Variants in CYP27C1 observed in about 807,000 individuals in gnomAD.
The protein encoded by CYP27C1 is cytochrome P450 27C1.
In CYP27C1, 29 loss-of-function variants were observed where a neutral mutation model predicts 40.6. The observed-to-expected ratio is 0.71, with a 90% confidence interval of 0.53 to 0.97. The LOEUF (loss-of-function observed/expected upper bound fraction) is 0.97, where lower values mean the gene tolerates loss of function less well. Ranked by LOEUF, CYP27C1 falls within the 50% of genes least tolerant of loss-of-function variation. CYP27C1 has a pLI of 0.00. For missense variants in CYP27C1, 390 were observed against 485.8 expected (o/e 0.80, Z 1.85); for synonymous variants, 198 against 186.8 (o/e 1.06, Z -0.49).
chr2:127,219,946 G>A lies in CYP27C1; in HGVS notation c.282+43C>T, dbSNP rs1268151642. ...CCCGCCCGCGCCGTCAGCCTTCTGG[G>A]CAGCAGCCCGGGCTGGCTCCCTCCC... On this transcript the variant is annotated intron_variant, in intron 1 of 8. Coordinates refer to ENST00000664447, the MANE Select transcript of CYP27C1 (RefSeq NM_001367502.1). The surrounding 1 kb of genome is among the most constrained non-coding windows in gnomAD (Gnocchi z 8.7). The A allele has an allele frequency of 6.6e-6, 1 of 152,166 alleles. No homozygotes were observed. The highest frequency in any genetic ancestry group is 2.4e-5 in the African/African-American group (1 of 41,424). 9.4% of individuals were successfully genotyped at this position (152,166 alleles called of 1,614,324 possible). A position where few individuals can be genotyped will look rare whatever the true frequency, so the allele number is the denominator to read the frequency against.
chr2:127,199,416 T>C lies in CYP27C1; in HGVS notation c.1007A>G (p.Tyr336Cys), dbSNP rs375739115. Residue 336 changes from tyrosine (Y) to cysteine (C), a missense_variant, in exon 5 of 9, where the codon TAC becomes TGC. Tyr to Cys is a radical substitution (Grantham distance 194). Transcript: ENST00000664447. ...CAGCAGCATCTCAGTCACGTTGGCG[T>C]AGATCTCCTGCAGCGTCAGAGCCTG... ...LSQALTLQEI[Y>C]ANVTEMLLAG... The C allele has an allele frequency of 2.5e-6, 4 of 1,614,084 alleles. No homozygotes were observed. Among genetic ancestry groups the C allele is most frequent in the East Asian group, 2.2e-5 (1 of 44,896 alleles).
chr2:127,209,856 T>C lies in CYP27C1; in HGVS notation c.283-3766A>G, dbSNP rs534912393. 6.6e-6 allele frequency among the ~76,000 whole-genome samples: 1 copy of C among 151,982 alleles called. No homozygotes were observed. Among genetic ancestry groups the C allele is most frequent in the Non-Finnish European group, 1.5e-5 (1 of 67,998 alleles). On this transcript the variant is annotated intron_variant, in intron 1 of 8. Transcript: ENST00000664447. The surrounding 1 kb of genome is among the most constrained non-coding windows in gnomAD (Gnocchi z 4.1). Reference sequence around the variant, plus strand: ...GAATAAACAAAGCCTCAAAGAAATATGGGACTTCATAAAAACAGCAAACCT... The same window carrying C: ...GAATAAACAAAGCCTCAAAGAAATACGGGACTTCATAAAAACAGCAAACCT...
At chr2:127,187,785 G>A (rs1347873372) in intron 8 of CYP27C1, among the ~76,000 whole-genome samples, 3 of 152,222 alleles carry the variant, frequency 2.0e-5, no homozygotes, top group African/African-American at 7.2e-5. Flanking sequence ...TTTCCTGCTG[G>A]TTCTGAAACT....
intron 1 of CYP27C1, among the ~76,000 whole-genome samples, chr2:127,213,680 G>T (rs1683376135): frequency 6.6e-6 from 1 of 152,106 alleles, no homozygotes; most frequent in African/African-American, 2.4e-5. Context: ...ATGAATTAAA[G>T]ACTTAAATGT....
At chr2:127,206,878 A>G (rs1382116014) in intron 1 of CYP27C1, among the ~76,000 whole-genome samples, 1 of 152,232 alleles carries the variant, frequency 6.6e-6, no homozygotes, top group Non-Finnish European at 1.5e-5. Context: ...GGCTATCTCT[A>G]TTGGCAGATG....
intron 8 of CYP27C1, among the ~76,000 whole-genome samples, chr2:127,189,114 G>A (rs1316481642): frequency 6.6e-6 from 1 of 151,920 alleles, no homozygotes; most frequent in African/African-American, 2.4e-5. Context: ...TTTCTGAGTG[G>A]TTTGTTTGTT....
Position 127,208,447 on chromosome 2 carries a change from C to T in CYP27C1, c.283-2357G>A, listed in dbSNP as rs1683275141. ...ATCCCAACCCTGGTATGCACAGATT[C>T]CTACAGCCTCTCAGCTGGAATCTGT... On this transcript the variant is annotated intron_variant, in intron 1 of 8. Transcript: ENST00000664447. This position sits in a 1 kb window ranked among gnomAD's most constrained non-coding sequence, Gnocchi z 5.2. 6.6e-6 allele frequency among the ~76,000 whole-genome samples: 1 copy of T among 152,182 alleles called. No individual in the cohort carries two copies. Among genetic ancestry groups the T allele is most frequent in the Non-Finnish European group, 1.5e-5 (1 of 68,012 alleles).
chr2:127,213,442 A>G (rs1272709332), intron 1 of CYP27C1, among the ~76,000 whole-genome samples: 4 of 152,244 alleles, frequency 2.6e-5, no homozygotes, highest in African/African-American at 9.6e-5. Context: ...TAACCAAAAC[A>G]GCATGGTACT....
In CYP27C1 at chr2:127,204,514, AAG is replaced by A. The variant is rs1412257108; in HGVS notation, c.474-945_474-944del. On this transcript the variant is annotated intron_variant, in intron 2 of 8. Transcript: ENST00000664447. ...GAAGGAAGGAAGGAAGGAAAGAAAGAAGGAAAGAAAGAAAGAAAGAAAGAGAG... is the reference window on the plus strand; with the variant it reads ...GAAGGAAGGAAGGAAGGAAAGAAAGAGAAAGAAAGAAAGAAAGAAAGAGAG... 1.4e-4 allele frequency among the ~76,000 whole-genome samples: 8 copies of A among 55,410 alleles called. 1 individual carries two copies. The highest frequency in any genetic ancestry group is 2.2e-3 in the East Asian group (2 of 914). 36.4% of individuals were successfully genotyped at this position (55,410 alleles called of 152,430 possible). A position where few individuals can be genotyped will look rare whatever the true frequency, so the allele number is the denominator to read the frequency against.
chr2:127,196,065 C>CT lies in CYP27C1; in HGVS notation c.1048-565dup, dbSNP rs34966992. 1.1e-3 allele frequency among the ~76,000 whole-genome samples: 166 copies of CT among 147,438 alleles called. 1 individual carries two copies. The East Asian group carries it at 0.016, about 14-fold the overall frequency. ...ATAACTCGTCTATGCAAAGCAGTGTCTTTTTTTTTTTTTTTGAGACGGAGT... is the reference window on the plus strand; with the variant it reads ...ATAACTCGTCTATGCAAAGCAGTGTCTTTTTTTTTTTTTTTTGAGACGGAGT... On this transcript the variant is annotated intron_variant, in intron 5 of 8. Coordinates refer to ENST00000664447, the MANE Select transcript of CYP27C1 (RefSeq NM_001367502.1). This position sits in a 1 kb window ranked among gnomAD's most constrained non-coding sequence, Gnocchi z 4.5.
intron 6 of CYP27C1, among the ~76,000 whole-genome samples, chr2:127,194,151 C>T (rs1002003957): frequency 2.4e-4 from 37 of 152,074 alleles, no homozygotes; most frequent in Admixed American, 1.2e-3. Context: ...GAGGGAAATT[C>T]CAAGTTTCTA....
intron 8 of CYP27C1, among the ~76,000 whole-genome samples, chr2:127,189,379 G>A (rs757226853): frequency 3.8e-4 from 58 of 152,138 alleles, no homozygotes; most frequent in Admixed American, 2.4e-3. Context: ...GTTAAGAAAG[G>A]CCCCACTGTT....
chr2:127,210,856 A>G (rs1245709009), intron 1 of CYP27C1, among the ~76,000 whole-genome samples: 2 of 152,200 alleles, frequency 1.3e-5, no homozygotes, highest in African/African-American at 4.8e-5. Flanking sequence ...AAGCACCCAG[A>G]TTCATAAAAC....
rs756969686 is a variant in CYP27C1, at chr2:127,203,515, G to A, written c.530C>T (p.Pro177Leu). ...RSVLRQRILK[P>L]KDVAIYSGEV... Reference sequence around the variant, plus strand: ...TCCAGAATAAATGGCCACATCTTTCGGTTTCAGAATTCTTTGTCTCAATAC... The same window carrying A: ...TCCAGAATAAATGGCCACATCTTTCAGTTTCAGAATTCTTTGTCTCAATAC... The change falls in exon 3 of 9, where the codon CCG becomes CTG. Residue 177 changes from proline (P) to leucine (L), a missense_variant. Transcript: ENST00000664447. 9.3e-6 allele frequency: 15 copies of A among 1,613,704 alleles called. No homozygotes were observed. Among genetic ancestry groups the A allele is most frequent in the Admixed American group, 3.3e-5 (2 of 59,954 alleles).
chr2:127,193,061 C>A (rs1178861360), intron 8 of CYP27C1, 33 bp downstream of exon 8: 3 of 1,611,770 alleles, frequency 1.9e-6, no homozygotes, highest in Non-Finnish European at 2.5e-6. Context: ...AGAGGCCGAA[C>A]CCAAAGGCCA....
At chr2:127,217,367 C>T (rs1683450696) in intron 1 of CYP27C1, among the ~76,000 whole-genome samples, 2 of 152,234 alleles carry the variant, frequency 1.3e-5, no homozygotes, top group African/African-American at 2.4e-5. Flanking sequence ...AGACTTGAAA[C>T]TGTGCCTGGC....
At chr2:127,215,107 C>T (rs1440727997) in intron 1 of CYP27C1, among the ~76,000 whole-genome samples, 2 of 133,274 alleles carry the variant, frequency 1.5e-5, no homozygotes, top group Non-Finnish European at 3.1e-5. Flanking sequence ...CATGCCTGGG[C>T]GACAGAGTGA....
intron 4 of CYP27C1, among the ~76,000 whole-genome samples, chr2:127,199,983 T>G (rs1240486896): frequency 1.3e-5 from 2 of 152,140 alleles, no homozygotes; most frequent in South Asian, 2.1e-4. Flanking sequence ...ATGTTGTGGT[T>G]GTTGTTGTTT....
intron 1 of CYP27C1, among the ~76,000 whole-genome samples, chr2:127,211,287 A>G (rs1295020284): frequency 1.3e-5 from 2 of 152,106 alleles, no homozygotes; most frequent in Non-Finnish European, 2.9e-5. Context: ...TAAAGCAGAA[A>G]TCAAGAAGTT....
Sources: allele counts gnomAD v4.1 joint callset (sites outside exome capture counted in the v4.1 genomes callset), GRCh38; gene constraint gnomAD v4.1.1; non-coding constraint Gnocchi (gnomAD v3.1); transcripts MANE v1.5; gene names NCBI Gene and HGNC (gene_info 2026-07-23, HGNC 2026-07-21).